The following KREMEN1 variants were observed in gnomAD, a reference collection of about 807,000 sequenced individuals.
KREMEN1 encodes kremen protein 1.
Under a neutral mutation model 46.5 loss-of-function variants are expected in KREMEN1, and 30 were observed. The ratio of observed to expected loss-of-function variants is 0.65; its 90% CI spans 0.48 to 0.88. The LOEUF is 0.88. Among genes scored for constraint, KREMEN1 ranks in the 40% least tolerant of loss-of-function variants. The pLI, the probability that KREMEN1 is intolerant of heterozygous loss-of-function variation, is 0.00. For synonymous variants in KREMEN1, 214 were observed against 230.6 expected (o/e 0.93, Z 0.65); for missense variants, 533 against 596.9 (o/e 0.89, Z 1.11).
intron 7 of KREMEN1, 32 bp downstream of exon 7, chr22:29,138,814 T>C (rs760744136): frequency 5.6e-6 from 9 of 1,614,212 alleles, no homozygotes; most frequent in Admixed American, 5.0e-5. Context: ...CCATGGGGGC[T>C]GGAAGCCACA....
chr22:29,160,539 C>CAAAAAAAAAAAAAAAAAAAAAAA (rs132303), intron 9 of KREMEN1, among the ~76,000 whole-genome samples: 1 of 103,508 alleles, frequency 9.7e-6, no homozygotes, highest in African/African-American at 3.6e-5. Context: ...GACTCCGTCT[C>CAAAAAAAAAAAAAAAAAAAAAAA]AAAAAAAAAA....
rs139628031 is a variant in KREMEN1, at chr22:29,073,274, C to A, written c.97+47C>A. On this transcript the variant is annotated intron_variant, in intron 1 of 8. Transcript: ENST00000400335. This position sits in a 1 kb window ranked among gnomAD's most constrained non-coding sequence, Gnocchi z 4.4. ...CCGCCCGCCCTGAGCGGAGCCCACT[C>A]GAGGGGCGACAAGGGCCGGCCGGCC... The A allele has an allele frequency of 1.1e-6, 1 of 893,486 alleles. No homozygotes were observed. The highest frequency in any genetic ancestry group is 1.4e-6 in the Non-Finnish European group (1 of 697,828). 55.3% of individuals were successfully genotyped at this position (893,486 alleles called of 1,614,324 possible). A position where few individuals can be genotyped will look rare whatever the true frequency, so the allele number is the denominator to read the frequency against.
chr22:29,079,233 C>T (rs1174928848), intron 1 of KREMEN1, among the ~76,000 whole-genome samples: 2 of 152,212 alleles, frequency 1.3e-5, no homozygotes, highest in African/African-American at 4.8e-5. Context: ...CTTTTAAATT[C>T]TCTTTCTAGG....
At chr22:29,084,548 G>C (rs1261238905) in intron 1 of KREMEN1, among the ~76,000 whole-genome samples, 2 of 152,198 alleles carry the variant, frequency 1.3e-5, no homozygotes, top group Non-Finnish European at 2.9e-5. Context: ...CCCTGCCTGG[G>C]TAGGAGTGGA....
intron 9 of KREMEN1, among the ~76,000 whole-genome samples, chr22:29,161,338 T>G (rs577848673): frequency 1.3e-5 from 2 of 151,650 alleles, no homozygotes; most frequent in East Asian, 3.9e-4. Context: ...AAACCCCGTC[T>G]GTACTAAAAA....
At chr22:29,156,566 TGCTCTCC>T (rs2038964253) in intron 9 of KREMEN1, among the ~76,000 whole-genome samples, 2 of 29,648 alleles carry the variant, frequency 6.7e-5, no homozygotes, top group East Asian at 1.5e-3. Context: ...CGCACAGGAA[TGCTCTCC>T]GCACAGGACG....
At chr22:29,106,383 G>A (rs1324577219) in intron 3 of KREMEN1, among the ~76,000 whole-genome samples, 2 of 148,750 alleles carry the variant, frequency 1.3e-5, no homozygotes, top group South Asian at 2.2e-4. Flanking sequence ...ATCACGCCCA[G>A]CTAATTTTTT....
intron 3 of KREMEN1, chr22:29,099,260 A>G (rs962834362): frequency 3.8e-6 from 1 of 266,574 alleles, no homozygotes; most frequent in Non-Finnish European, 7.1e-6. Context: ...GAAGCAGCCT[A>G]GGGGAGAAAA....
At chr22:29,160,577 T>C (rs2039002900) in intron 9 of KREMEN1, among the ~76,000 whole-genome samples, 1 of 148,546 alleles carries the variant, frequency 6.7e-6, no homozygotes, top group South Asian at 2.1e-4. Flanking sequence ...AGAAGATCTC[T>C]CAAAACCATA....
chr22:29,091,873 A>G (rs540592466), intron 1 of KREMEN1, among the ~76,000 whole-genome samples: 1 of 152,336 alleles, frequency 6.6e-6, no homozygotes, highest in South Asian at 2.1e-4. Context: ...TGTGATGGGA[A>G]GTATTAGGGG....
intron 2 of KREMEN1, 64 bp downstream of exon 2, chr22:29,094,484 C>G: frequency 2.8e-6 from 4 of 1,435,552 alleles, no homozygotes; most frequent in South Asian, 1.3e-5. Context: ...CTTCCAACCC[C>G]TTTCATCCCA....
chr22:29,142,351 C>T lies in KREMEN1; in HGVS notation c.*239C>T, dbSNP rs772433478. The T allele has an allele frequency of 1.0e-4, 121 of 1,206,964 alleles. No homozygotes were observed. Among genetic ancestry groups the T allele is most frequent in the East Asian group, 3.0e-4 (8 of 27,106 alleles). 74.8% of individuals were successfully genotyped at this position (1,206,964 alleles called of 1,614,324 possible). A position where few individuals can be genotyped will look rare whatever the true frequency, so the allele number is the denominator to read the frequency against. On this transcript the variant is annotated 3_prime_UTR_variant, in exon 9 of 9. Coordinates refer to ENST00000400335, the MANE Select transcript of KREMEN1 (RefSeq NM_001039570.3). ...GAGAGAGACTCAAAGCCCTGGGGCC[C>T]GGCCCTCTCTGCATCTCTCTCTGAT...
At chr22:29,165,384 A>C (rs1473223130) in intron 9 of KREMEN1, among the ~76,000 whole-genome samples, 2 of 151,906 alleles carry the variant, frequency 1.3e-5, no homozygotes, top group African/African-American at 4.8e-5. Flanking sequence ...CCTGGGTGAC[A>C]GAGCAAGAGC....
chr22:29,098,902 G>C lies in KREMEN1; in HGVS notation c.301G>C (p.Glu101Gln). Reference protein sequence around the residue: ...GDVSPWCYVAEHEDGVYWKYC... With the variant: ...GDVSPWCYVAQHEDGVYWKYC... ...CGTGAGCCCCTGGTGCTATGTGGCA[G>C]AGCACGAGGATGGTGTCTACTGGAA... Residue 101 changes from glutamate to glutamine, a missense_variant, in exon 3 of 9, where the codon GAG becomes CAG. By Grantham distance (29) the Glu-to-Gln change is conservative (BLOSUM62 2). Transcript: ENST00000400335. The C allele has an allele frequency of 6.2e-7, 1 of 1,614,138 alleles. No homozygotes were observed. The highest frequency in any genetic ancestry group is 8.5e-7 in the Non-Finnish European group (1 of 1,179,986).
At chr22:29,163,636 C>G (rs1401405469) in intron 9 of KREMEN1, among the ~76,000 whole-genome samples, 1 of 152,072 alleles carries the variant, frequency 6.6e-6, no homozygotes, top group African/African-American at 2.4e-5. Context: ...CTCAGCCTCC[C>G]GAAGTGCTGG....
chr22:29,088,848 A>G (rs1183373686), intron 1 of KREMEN1, among the ~76,000 whole-genome samples: 4 of 152,212 alleles, frequency 2.6e-5, no homozygotes, highest in Non-Finnish European at 5.9e-5. Flanking sequence ...CAAGGAGGTT[A>G]GGCAAGTGCT....
chr22:29,114,586 A>G (rs1056433434), intron 3 of KREMEN1, among the ~76,000 whole-genome samples: 1 of 151,968 alleles, frequency 6.6e-6, no homozygotes, highest in Admixed American at 6.5e-5. Context: ...GAAAGCCAGG[A>G]AGAGGGCCCT....
Position 29,138,634 on chromosome 22 carries a change from A to G in KREMEN1, c.975A>G (p.Glu325=). Residue 325 remains glutamate (E), a synonymous_variant, in exon 7 of 9, where the codon GAA becomes GAG. Coordinates refer to ENST00000400335, the MANE Select transcript of KREMEN1 (RefSeq NM_001039570.3). ...GFAVLYQAVK[E]ELPQERPAVN... ...CTTTTTCTCTTCCAGCCGTCAAGGAAGAACTGCCACAGGAGAGGCCCGCTG... is the reference window on the plus strand; with the variant it reads ...CTTTTTCTCTTCCAGCCGTCAAGGAGGAACTGCCACAGGAGAGGCCCGCTG... 2 of 1,614,250 alleles carry G rather than the reference A, an allele frequency of 1.2e-6. No homozygotes were observed. Among genetic ancestry groups the G allele is most frequent in the South Asian group, 1.1e-5 (1 of 91,088 alleles).
At chr22:29,156,941 T>G (rs567354861) in intron 9 of KREMEN1, among the ~76,000 whole-genome samples, 1 of 152,232 alleles carries the variant, frequency 6.6e-6, no homozygotes, top group Non-Finnish European at 1.5e-5. Flanking sequence ...AAGCCTGTGC[T>G]GCCATCACTT....
Sources: allele counts gnomAD v4.1 joint callset (sites outside exome capture counted in the v4.1 genomes callset), GRCh38; gene constraint gnomAD v4.1.1; non-coding constraint Gnocchi (gnomAD v3.1); transcripts MANE v1.5; gene names NCBI Gene and HGNC (gene_info 2026-07-23, HGNC 2026-07-21).